The following KCNT2 variants were observed in gnomAD, a reference collection of about 807,000 sequenced individuals.
KCNT2 encodes the protein potassium sodium-activated channel subfamily T member 2.
A neutral mutation model predicts 153.8 loss-of-function variants in KCNT2; 67 were observed. That is an observed-to-expected ratio of 0.44 (90% CI 0.36 to 0.53). KCNT2 has a LOEUF of 0.53. KCNT2 is among the 20% of genes least tolerant of loss of function. The pLI, the probability that KCNT2 is intolerant of heterozygous loss-of-function variation, is 0.00. For missense variants in KCNT2, 975 were observed against 1,354.8 expected, an observed-to-expected ratio of 0.72 and a Z score of 4.40; for synonymous variants, 500 against 458.8, an observed-to-expected ratio of 1.09 and a Z score of -1.15.
chr1:196,433,914 C>T (rs570080196), intron 8 of KCNT2, among the ~76,000 whole-genome samples: 1 of 152,126 alleles, frequency 6.6e-6, no homozygotes, highest in Non-Finnish European at 1.5e-5. Context: ...AAGGAAGATA[C>T]ATGTCATCAT....
intron 1 of KCNT2, among the ~76,000 whole-genome samples, chr1:196,543,652 C>T (rs1361403): frequency 0.99 from 151,162 of 152,262 alleles, 75,042 homozygotes; most frequent in Middle Eastern, 1. Flanking sequence ...TCTGGATGGT[C>T]CTTAATGAAT....
At chr1:196,361,786 A>G (rs1033407547) in intron 14 of KCNT2, among the ~76,000 whole-genome samples, 2 of 152,146 alleles carry the variant, frequency 1.3e-5, no homozygotes, top group Admixed American at 1.3e-4. Flanking sequence ...TATTAATGAA[A>G]ACAGAGGCTC....
At chr1:196,423,399 C>A (rs1005476295) in intron 11 of KCNT2, among the ~76,000 whole-genome samples, 19 of 151,666 alleles carry the variant, frequency 1.3e-4, no homozygotes, top group African/African-American at 4.6e-4. Flanking sequence ...ATTTTATATG[C>A]ATGCTTTGAG....
intron 14 of KCNT2, among the ~76,000 whole-genome samples, chr1:196,362,580 G>A (rs942623773): frequency 4.6e-5 from 7 of 152,040 alleles, no homozygotes; most frequent in Admixed American, 4.6e-4. Context: ...ACATTTGCTG[G>A]CCTTTCTTTT....
intron 13 of KCNT2, among the ~76,000 whole-genome samples, chr1:196,387,251 A>C (rs1191448069): frequency 6.6e-6 from 1 of 151,830 alleles, no homozygotes; most frequent in Non-Finnish European, 1.5e-5. Context: ...ATTTCCTACT[A>C]TCCTCTATCT....
In KCNT2 at chr1:196,380,684, G is replaced by A. The variant is rs564793833; in HGVS notation, c.1295-7436C>T. 2.6e-5 allele frequency among the ~76,000 whole-genome samples: 4 copies of A among 152,158 alleles called. No individual in the cohort carries two copies. The East Asian group carries it at 7.7e-4, about 29-fold the overall frequency. On this transcript the variant is annotated intron_variant, in intron 13 of 27. Transcript: ENST00000294725. ...AAATGTTAGTCATTTTTATTTTATGGGGAAAAAGTTTATTAAATAGAACAA... is the reference window on the plus strand; with the variant it reads ...AAATGTTAGTCATTTTTATTTTATGAGGAAAAAGTTTATTAAATAGAACAA...
chr1:196,385,770 A>ATAT (rs1669918412), intron 13 of KCNT2, among the ~76,000 whole-genome samples: 3 of 143,800 alleles, frequency 2.1e-5, no homozygotes, highest in African/African-American at 8.0e-5. Flanking sequence ...CTGCATTAAA[A>ATAT]AAATATATAT....
Position 196,391,478 on chromosome 1 carries a change from T to C in KCNT2, c.1294+7085A>G, listed in dbSNP as rs145344348. ...CTTTCTAAAAAAATAAGTATTATTT[T>C]ACTCTGGTACTCAGAACCAAGAAAT... is the stretch of plus-strand genomic sequence containing the variant. On this transcript the variant is annotated intron_variant, in intron 13 of 27. Coordinates refer to ENST00000294725, the MANE Select transcript of KCNT2 (RefSeq NM_198503.5). Among the ~76,000 whole-genome samples, 209 of 151,470 alleles carry C rather than the reference T, an allele frequency of 1.4e-3. 2 individuals carry two copies. Among genetic ancestry groups the C allele is most frequent in the African/African-American group, 4.8e-3 (201 of 41,456 alleles).
chr1:196,304,578 A>C (rs1661460500), intron 22 of KCNT2, among the ~76,000 whole-genome samples: 1 of 152,240 alleles, frequency 6.6e-6, no homozygotes, highest in South Asian at 2.1e-4. Context: ...TAATTCTCTC[A>C]GTACACTACT....
intron 25 of KCNT2, among the ~76,000 whole-genome samples, chr1:196,280,154 TTCAAAAAAGAG>T (rs1378860294): frequency 1.3e-5 from 2 of 152,198 alleles, no homozygotes; most frequent in Non-Finnish European, 2.9e-5. Context: ...AAATCTTTAT[TTCAAAAAAGAG>T]TCTGACCTAA....
At chr1:196,471,515 T>G (rs77357434) in intron 5 of KCNT2, among the ~76,000 whole-genome samples, 8,790 of 152,232 alleles carry the variant, frequency 0.058, 397 homozygotes, top group Non-Finnish European at 0.085. Context: ...CTTCCACTAT[T>G]GTATTTTCAC....
intron 8 of KCNT2, among the ~76,000 whole-genome samples, chr1:196,462,700 G>C (rs1013024889): frequency 6.6e-6 from 1 of 151,632 alleles, no homozygotes; most frequent in Admixed American, 6.6e-5. Context: ...TAACCTTATA[G>C]AGTGATTAAT....
At chr1:196,439,554 C>A (rs559859891) in intron 8 of KCNT2, among the ~76,000 whole-genome samples, 23 of 151,982 alleles carry the variant, frequency 1.5e-4, no homozygotes, top group African/African-American at 5.3e-4. Flanking sequence ...ATACAACCTA[C>A]AGATAGTAGG....
At chr1:196,553,240 C>G (rs139490791) in intron 1 of KCNT2, among the ~76,000 whole-genome samples, 8 of 150,532 alleles carry the variant, frequency 5.3e-5, no homozygotes, top group African/African-American at 1.7e-4. Context: ...TCAAAAAAAG[C>G]AAAAGTAGCT....
intron 13 of KCNT2, among the ~76,000 whole-genome samples, chr1:196,385,617 T>G (rs775895975): frequency 6.6e-6 from 1 of 151,880 alleles, no homozygotes. Context: ...AATACAAGAA[T>G]GTACAACTCT....
At chr1:196,324,636 A>G (rs936929940) in intron 19 of KCNT2, among the ~76,000 whole-genome samples, 12 of 152,086 alleles carry the variant, frequency 7.9e-5, no homozygotes, top group African/African-American at 2.9e-4. Flanking sequence ...AGTCATTGTA[A>G]TTATGAACAG....
intron 22 of KCNT2, among the ~76,000 whole-genome samples, chr1:196,298,876 G>T (rs1037058238): frequency 4.0e-5 from 6 of 150,142 alleles, no homozygotes; most frequent in Non-Finnish European, 8.9e-5. Flanking sequence ...TTGAAGTTCT[G>T]AGCCAGAAAC....
intron 25 of KCNT2, among the ~76,000 whole-genome samples, chr1:196,278,837 A>T (rs112287614): frequency 0.05 from 7,540 of 152,242 alleles, 283 homozygotes; most frequent in Non-Finnish European, 0.071. Context: ...TTTGTTCTCC[A>T]TCACCCCACA....
At chr1:196,508,202 A>G (rs1681313115) in intron 1 of KCNT2, among the ~76,000 whole-genome samples, 1 of 149,578 alleles carries the variant, frequency 6.7e-6, no homozygotes, top group Non-Finnish European at 1.5e-5. Context: ...AAAAAAAAAA[A>G]AAAAAAAAAA....
Sources: allele counts gnomAD v4.1 joint callset (sites outside exome capture counted in the v4.1 genomes callset), GRCh38; gene constraint gnomAD v4.1.1; transcripts MANE v1.5; gene names NCBI Gene and HGNC (gene_info 2026-07-23, HGNC 2026-07-21).